CD82: variants seen among roughly 807,000 people sequenced by gnomAD.
CD82 encodes CD82 molecule.
CD82 carries 36 observed loss-of-function variants against 37.4 expected under a neutral mutation model. That is an observed-to-expected ratio of 0.96 (90% confidence interval 0.74 to 1.27). The LOEUF (loss-of-function observed/expected upper bound fraction) is 1.27. Among genes scored for constraint, CD82 ranks in the 50% most tolerant of loss-of-function variants. CD82 has a pLI of 0.00. For synonymous variants in CD82, 158 were observed against 137.4 expected, an observed-to-expected ratio of 1.15 and a Z score of -1.05; for missense variants, 340 against 347.0, an observed-to-expected ratio of 0.98 and a Z score of 0.16.
rs375797501 is a variant in CD82 at position 44,605,119 on chromosome 11, T to C, written c.198T>C (p.Thr66=). 3 of 1,614,098 alleles carry C rather than the reference T, an allele frequency of 1.9e-6. No individual in the cohort carries two copies. The African/African-American group carries it at 4.0e-5, about 22-fold the overall frequency. The stretch of plus-strand genomic sequence containing the variant: ...TCTTCATCGGCGTGGGGGCAGTCAC[T>C]ATGCTCATGGGCTTCCTGGGCTGCA... ...AYVFIGVGAV[T]MLMGFLGCIG... is the part of the protein sequence containing the mutation. Residue 66 remains threonine, a synonymous_variant, in exon 5 of 10, where the codon ACT becomes ACC. Coordinates refer to ENST00000227155, the MANE Select transcript of CD82 (RefSeq NM_002231.4).
At chr11:44,610,831 C>CT (rs113238043) in intron 6 of CD82, among the ~76,000 whole-genome samples, 1,639 of 150,190 alleles carry the variant, frequency 0.011, 29 homozygotes, top group African/African-American at 0.037. Flanking sequence ...TATTGAAATT[C>CT]TTTTTTTTTT....
intron 1 of CD82, among the ~76,000 whole-genome samples, chr11:44,584,686 G>A (rs1853028113): frequency 6.6e-6 from 1 of 151,922 alleles, no homozygotes; most frequent in African/African-American, 2.4e-5. Context: ...TTTTCTGGTG[G>A]GTGGGGGTTA....
At chr11:44,619,019 C>A (rs1351611974) in intron 9 of CD82, 30 bp from the exon 10 acceptor site, 2 of 1,600,040 alleles carry the variant, frequency 1.2e-6, no homozygotes, top group South Asian at 1.1e-5. Flanking sequence ...GACACCCAGC[C>A]TCCCTCTGAC....
intron 6 of CD82, among the ~76,000 whole-genome samples, chr11:44,607,132 G>T (rs1853409977): frequency 6.6e-6 from 1 of 152,242 alleles, no homozygotes; most frequent in Admixed American, 6.5e-5. Context: ...CCACTTGAAG[G>T]TCAAGTTGCC....
At chr11:44,577,480 C>T (rs577843750) in intron 1 of CD82, among the ~76,000 whole-genome samples, 23 of 152,244 alleles carry the variant, frequency 1.5e-4, no homozygotes, top group African/African-American at 5.5e-4. Flanking sequence ...GGTTAACTCC[C>T]CAGTGAGGCA....
intron 2 of CD82, among the ~76,000 whole-genome samples, chr11:44,593,474 A>AT (rs1440355561): frequency 6.6e-6 from 1 of 152,040 alleles, no homozygotes; most frequent in Non-Finnish European, 1.5e-5. Flanking sequence ...GCACTCCTGG[A>AT]TTTTCTGGCC....
At chr11:44,599,117 GGAT>G (rs1263695261) in intron 3 of CD82, among the ~76,000 whole-genome samples, 1 of 152,194 alleles carries the variant, frequency 6.6e-6, no homozygotes, top group Non-Finnish European at 1.5e-5. Flanking sequence ...CCTGGGCTTG[GGAT>G]CCTTATTTGT....
chr11:44,616,211 A>G (rs1363931664), intron 7 of CD82, among the ~76,000 whole-genome samples: 1 of 152,112 alleles, frequency 6.6e-6, no homozygotes, highest in Non-Finnish European at 1.5e-5. Flanking sequence ...GAGTTTGCAG[A>G]GAGGACACTC....
At chr11:44,598,009 G>A (rs544181867) in intron 3 of CD82, among the ~76,000 whole-genome samples, 2 of 152,306 alleles carry the variant, frequency 1.3e-5, no homozygotes, top group Non-Finnish European at 2.9e-5. Flanking sequence ...GCCCAGGATG[G>A]ATCCAAAATA....
chr11:44,596,190 C>T (rs1853224017), intron 3 of CD82, among the ~76,000 whole-genome samples: 1 of 152,238 alleles, frequency 6.6e-6, no homozygotes, highest in African/African-American at 2.4e-5. Context: ...TGGGCTTCCC[C>T]AGCTTGGCGG....
chr11:44,618,392 C>A (rs200071961), intron 8 of CD82, 27 bp downstream of exon 8: 6 of 1,598,722 alleles, frequency 3.8e-6, no homozygotes, highest in Non-Finnish European at 5.1e-6. Flanking sequence ...GGATCGGGGG[C>A]GGGGCTCCGA....
chr11:44,574,873 ACCTGGTTAAGCATT>A (rs1344548755), intron 1 of CD82, among the ~76,000 whole-genome samples: 1 of 152,144 alleles, frequency 6.6e-6, no homozygotes, highest in African/African-American at 2.4e-5. Context: ...ATCTTCTGTG[ACCTGGTTAAGCATT>A]CCCCAGCCAT....
intron 4 of CD82, among the ~76,000 whole-genome samples, chr11:44,602,690 T>C (rs959796106): frequency 6.6e-6 from 1 of 152,124 alleles, no homozygotes; most frequent in African/African-American, 2.4e-5. Flanking sequence ...AATTTTTTTT[T>C]CCATGCCCTG....
At chr11:44,593,006 A>G (rs887469160) in intron 2 of CD82, among the ~76,000 whole-genome samples, 1 of 152,206 alleles carries the variant, frequency 6.6e-6, no homozygotes, top group Non-Finnish European at 1.5e-5. Context: ...AAAGGCACTT[A>G]AAGAAAACTT....
At chr11:44,614,888 C>T (rs534650380) in intron 6 of CD82, among the ~76,000 whole-genome samples, 8 of 152,250 alleles carry the variant, frequency 5.3e-5, no homozygotes, top group African/African-American at 1.7e-4. Context: ...GAAATCTAGT[C>T]AGTTGAAGCA....
intron 4 of CD82, 96 bp downstream of exon 4, chr11:44,600,326 G>A: frequency 8.6e-7 from 1 of 1,167,942 alleles, no homozygotes; most frequent in Non-Finnish European, 1.3e-6. Flanking sequence ...CGGCTTCAAT[G>A]CCTGTTGCTT....
chr11:44,589,179 C>A (rs1853103807), intron 2 of CD82, among the ~76,000 whole-genome samples: 1 of 152,210 alleles, frequency 6.6e-6, no homozygotes, highest in Admixed American at 6.5e-5. Flanking sequence ...TCACTTGACC[C>A]TAGGAGACGG....
At chr11:44,612,372 T>C (rs1256914176) in intron 6 of CD82, among the ~76,000 whole-genome samples, 1 of 152,204 alleles carries the variant, frequency 6.6e-6, no homozygotes, top group Admixed American at 6.5e-5. Context: ...GGTGAATACC[T>C]AGGCCATAGG....
chr11:44,585,565 G>A (rs1167827475), intron 1 of CD82, among the ~76,000 whole-genome samples: 1 of 152,216 alleles, frequency 6.6e-6, no homozygotes, highest in Non-Finnish European at 1.5e-5. Context: ...GCCTGCGGTA[G>A]GTGGGCGGGG....
Sources: allele counts gnomAD v4.1 joint callset (sites outside exome capture counted in the v4.1 genomes callset), GRCh38; gene constraint gnomAD v4.1.1; transcripts MANE v1.5; gene names NCBI Gene and HGNC (gene_info 2026-07-23, HGNC 2026-07-21).